The following NRXN1 variants were observed in gnomAD, a reference collection of about 807,000 sequenced individuals.
NRXN1 encodes neurexin 1.
Under a neutral mutation model 150.9 loss-of-function variants are expected in NRXN1, and 39 were observed. The ratio of observed to expected loss-of-function variants is 0.26; its 90% CI spans 0.20 to 0.34. The LOEUF is 0.34. Among genes scored for constraint, NRXN1 ranks in the 10% least tolerant of loss-of-function variants. The pLI is 1.00. For missense variants in NRXN1, 1,815 were observed against 1,949.9 expected (o/e 0.93, Z 1.30); for synonymous variants, 924 against 757.0 (o/e 1.22, Z -3.62).
At chr2:50,271,993 G>T (rs1036744121) in intron 17 of NRXN1, among the ~76,000 whole-genome samples, 12 of 152,016 alleles carry the variant, frequency 7.9e-5, no homozygotes, top group African/African-American at 2.7e-4. Context: ...TTCCTCCAAG[G>T]GGGGGTCACA....
chr2:51,028,438 TC>T lies in NRXN1; in HGVS notation c.-166del, dbSNP rs1299803972. 2.2e-6 allele frequency: 1 copy of T among 450,430 alleles called. No homozygotes were observed. The highest frequency in any genetic ancestry group is 2.0e-5 in the African/African-American group (1 of 49,698). The allele number at this position is 450,430 out of a possible 1,614,324, so 27.9% of individuals were successfully genotyped here. On this transcript the variant is annotated 5_prime_UTR_variant, in exon 2 of 23. Coordinates refer to ENST00000401669, the MANE Select transcript of NRXN1 (RefSeq NM_001330078.2). ...TATCTAGTTCTTTTTTTCTTCTTCTTCTTCCAATAACCCCGCCCTCTCTCCC... is the reference window on the plus strand; with the variant it reads ...TATCTAGTTCTTTTTTTCTTCTTCTTTTCCAATAACCCCGCCCTCTCTCCC...
At chr2:50,688,836 A>C (rs1432364703) in intron 5 of NRXN1, among the ~76,000 whole-genome samples, 1 of 152,198 alleles carries the variant, frequency 6.6e-6, no homozygotes, top group Non-Finnish European at 1.5e-5. Context: ...GGGCCACCAG[A>C]AAGTGCCATG....
At chr2:50,834,619 C>A (rs1671854947) in intron 5 of NRXN1, among the ~76,000 whole-genome samples, 1 of 152,144 alleles carries the variant, frequency 6.6e-6, no homozygotes, top group Admixed American at 6.5e-5. Flanking sequence ...ACGCCAATAA[C>A]AAACTAGATA....
chr2:50,157,208 C>T (rs1422727235), intron 18 of NRXN1, among the ~76,000 whole-genome samples: 1 of 151,886 alleles, frequency 6.6e-6, no homozygotes, highest in Non-Finnish European at 1.5e-5. Flanking sequence ...TGACATTTAA[C>T]AGTGGAGGTA....
chr2:50,060,447 G>T (rs555857752), intron 19 of NRXN1, among the ~76,000 whole-genome samples: 19 of 152,296 alleles, frequency 1.2e-4, no homozygotes, highest in African/African-American at 4.6e-4. Context: ...CCTTGTCTCA[G>T]ATGAGACTTT....
At chr2:49,988,278 C>T (rs1353173413) in intron 21 of NRXN1, among the ~76,000 whole-genome samples, 1 of 151,050 alleles carries the variant, frequency 6.6e-6, no homozygotes, top group Non-Finnish European at 1.5e-5. Flanking sequence ...CTGCCATTAC[C>T]TTGGTAATCA....
At chr2:50,167,077 A>T (rs1204845198) in intron 18 of NRXN1, among the ~76,000 whole-genome samples, 1 of 152,188 alleles carries the variant, frequency 6.6e-6, no homozygotes, top group African/African-American at 2.4e-5. Context: ...TATTTGTAAA[A>T]ATGGGCAGTT....
chr2:49,934,961 T>A (rs1670773159), intron 22 of NRXN1, among the ~76,000 whole-genome samples: 1 of 152,208 alleles, frequency 6.6e-6, no homozygotes, highest in Admixed American at 6.5e-5. Flanking sequence ...CTGATAGAAT[T>A]TAGAAATACT....
At chr2:50,677,853 C>A (rs887803749) in intron 5 of NRXN1, among the ~76,000 whole-genome samples, 2 of 152,044 alleles carry the variant, frequency 1.3e-5, no homozygotes, top group Non-Finnish European at 2.9e-5. Context: ...GAGAGAACCA[C>A]AAGAGGCATA....
chr2:50,383,198 C>T (rs1851014), intron 17 of NRXN1, among the ~76,000 whole-genome samples: 86,032 of 151,984 alleles, frequency 0.57, 26,595 homozygotes, highest in East Asian at 0.92. Context: ...AGGATTTCAG[C>T]AGAGTACAAC....
chr2:50,829,121 C>T (rs140160495), intron 5 of NRXN1, among the ~76,000 whole-genome samples: 12,691 of 151,838 alleles, frequency 0.084, 628 homozygotes, highest in Admixed American at 0.088. Flanking sequence ...CGCAGGCACT[C>T]GGCAGGCTGA....
At chr2:50,449,227 A>C (rs1558751059) in intron 17 of NRXN1, among the ~76,000 whole-genome samples, 3 of 152,238 alleles carry the variant, frequency 2.0e-5, no homozygotes, top group Non-Finnish European at 4.4e-5. Flanking sequence ...CTGCTAAACC[A>C]GTGGAGATTA....
At chr2:50,506,268 T>G (rs925637839) in intron 13 of NRXN1, among the ~76,000 whole-genome samples, 1 of 152,160 alleles carries the variant, frequency 6.6e-6, no homozygotes, top group African/African-American at 2.4e-5. Flanking sequence ...AATTTCTTCT[T>G]GCACTATTAA....
chr2:50,869,215 C>T (rs1025468923), intron 5 of NRXN1, among the ~76,000 whole-genome samples: 5 of 151,654 alleles, frequency 3.3e-5, no homozygotes, highest in Non-Finnish European at 7.4e-5. Context: ...ATTTAGATGG[C>T]ATTGGTCCTT....
chr2:50,012,103 A>T, intron 21 of NRXN1, among the ~76,000 whole-genome samples: 1 of 152,098 alleles, frequency 6.6e-6, no homozygotes, highest in East Asian at 1.9e-4. Context: ...CCCCATCTTC[A>T]TAAGGTTGGT....
chr2:50,005,815 T>C (rs538293410), intron 21 of NRXN1, among the ~76,000 whole-genome samples: 72 of 152,334 alleles, frequency 4.7e-4, no homozygotes, highest in African/African-American at 5.0e-4. Context: ...TTGCTCATGC[T>C]GAAGCCTCTG....
chr2:50,080,690 T>C (rs1318367283), intron 19 of NRXN1, among the ~76,000 whole-genome samples: 5 of 152,176 alleles, frequency 3.3e-5, no homozygotes, highest in African/African-American at 1.2e-4. Flanking sequence ...GATAATGGCA[T>C]TCTTATGATC....
At chr2:50,131,399 G>T (rs183481694) in intron 18 of NRXN1, among the ~76,000 whole-genome samples, 1 of 152,206 alleles carries the variant, frequency 6.6e-6, no homozygotes, top group Non-Finnish European at 1.5e-5. Context: ...ATCTCTTCAA[G>T]ATATCACTAA....
intron 18 of NRXN1, among the ~76,000 whole-genome samples, chr2:50,117,071 G>C (rs1703170827): frequency 6.6e-6 from 1 of 152,074 alleles, no homozygotes; most frequent in Non-Finnish European, 1.5e-5. Context: ...GAAAAGCCTT[G>C]GGGATAAAGG....
Sources: gnomAD v4.1 joint callset for allele counts (sites outside exome capture counted in the v4.1 genomes callset) on GRCh38, gnomAD v4.1.1 for gene constraint, MANE v1.5 for transcripts, NCBI Gene and HGNC (gene_info 2026-07-23, HGNC 2026-07-21) for gene names.